Variants in ACSL1 observed in about 807,000 individuals in gnomAD.
ACSL1 encodes acyl-CoA synthetase long chain family member 1.
A neutral mutation model predicts 98.4 loss-of-function variants in ACSL1; 41 were observed. That is an observed-to-expected ratio of 0.42 (90% CI 0.32 to 0.54). The LOEUF is 0.54. ACSL1 is among the 20% of genes least tolerant of loss of function. The pLI is 0.13. For synonymous variants in ACSL1, 316 were observed against 322.7 expected (o/e 0.98, Z 0.22); for missense variants, 734 against 883.1 (o/e 0.83, Z 2.14).
intron 1 of ACSL1, among the ~76,000 whole-genome samples, chr4:184,807,464 G>C (rs1771572792): frequency 6.6e-6 from 1 of 152,184 alleles, no homozygotes; most frequent in Non-Finnish European, 1.5e-5. Context: ...AAGTGGGTTT[G>C]CTCAGCTGGG....
At chr4:184,808,454 C>T in intron 1 of ACSL1, 1 of 985,426 alleles carries the variant, frequency 1.0e-6, no homozygotes, top group Non-Finnish European at 1.2e-6. Flanking sequence ...ACATAAATGA[C>T]ACCCTTGCCC....
intron 5 of ACSL1, among the ~76,000 whole-genome samples, chr4:184,777,437 G>A (rs1765471590): frequency 6.9e-6 from 1 of 144,486 alleles, no homozygotes; most frequent in Non-Finnish European, 1.5e-5. Context: ...CAGCCTGGGT[G>A]ACAGAGTGAG....
At chr4:184,806,671 A>T (rs1771465809) in intron 1 of ACSL1, among the ~76,000 whole-genome samples, 1 of 152,238 alleles carries the variant, frequency 6.6e-6, no homozygotes, top group African/African-American at 2.4e-5. Flanking sequence ...TATTAAATCT[A>T]AGAAAGAACA....
At chr4:184,771,365 A>C (rs1249363740) in intron 10 of ACSL1, among the ~76,000 whole-genome samples, 1 of 152,192 alleles carries the variant, frequency 6.6e-6, no homozygotes, top group Admixed American at 6.5e-5. Context: ...TTATGTTGTT[A>C]AGGGAAAGGA....
chr4:184,757,881 A>G lies in ACSL1; in HGVS notation c.1822T>C (p.Leu608=), dbSNP rs777607921. The change falls in exon 19 of 21, where the codon TTA becomes CTA. Residue 608 remains leucine, a synonymous_variant. Transcript: ENST00000281455. This position sits in a 1 kb window ranked among gnomAD's most constrained non-coding sequence, Gnocchi z 4.5. ...CCTCTCTTTTGGGCCCAGGAACATA[A>G]TGTCTCAACATCTGGTACCACAATT... ...IAIVVPDVET[L]CSWAQKRGFE... is the part of the protein sequence containing the mutation. 6.2e-6 allele frequency: 10 copies of G among 1,614,200 alleles called. No homozygotes were observed. Among genetic ancestry groups the G allele is most frequent in the Non-Finnish European group, 8.5e-6 (10 of 1,180,038 alleles).
intron 1 of ACSL1, among the ~76,000 whole-genome samples, chr4:184,813,346 T>G (rs150214218): frequency 6.6e-5 from 10 of 152,338 alleles, no homozygotes; most frequent in Middle Eastern, 3.4e-3. Context: ...ATAAGTTTAC[T>G]GATAAGAGCT....
At chr4:184,788,971 T>C (rs369596604) in intron 2 of ACSL1, among the ~76,000 whole-genome samples, 1 of 152,230 alleles carries the variant, frequency 6.6e-6, no homozygotes, top group African/African-American at 2.4e-5. Context: ...TGTCCTGAAC[T>C]CGTTCCTATT....
intron 16 of ACSL1, among the ~76,000 whole-genome samples, 160 bp downstream of exon 16, chr4:184,763,007 A>C (rs570821287): frequency 6.6e-6 from 1 of 152,326 alleles, no homozygotes; most frequent in East Asian, 1.9e-4. Context: ...AGAGCTGAAC[A>C]TAAATGTACC....
chr4:184,768,354 G>A lies in ACSL1; in HGVS notation c.1090C>T (p.Pro364Ser). ...CGGTTCAGCAGTCTTGGAACCACGG[G>A]GAAGACAGTGGGTTGAAGCACCTTG... is the stretch of plus-strand genomic sequence containing the variant. The part of the protein sequence containing the change: ...DLKVLQPTVF[P>S]VVPRLLNRMF... The change falls in exon 12 of 21, where the codon CCC (proline) becomes TCC (serine). Residue 364 changes from proline (P) to serine (S), a missense_variant. Physicochemically the swap from Pro to Ser is moderately conservative, Grantham distance 74. Coordinates refer to ENST00000281455, the MANE Select transcript of ACSL1 (RefSeq NM_001995.5). 6.2e-7 allele frequency: 1 copy of A among 1,612,532 alleles called. No homozygotes were observed.
intron 2 of ACSL1, among the ~76,000 whole-genome samples, chr4:184,797,120 T>C (rs1051392594): frequency 6.6e-6 from 1 of 151,940 alleles, no homozygotes; most frequent in African/African-American, 2.4e-5. Context: ...AATGTCTGCC[T>C]CACAGACACG....
chr4:184,820,982 T>G (rs937728008), intron 1 of ACSL1: 2 of 455,764 alleles, frequency 4.4e-6, no homozygotes, highest in Non-Finnish European at 8.8e-6. Flanking sequence ...CCAGACTGCC[T>G]AGGTTCAAAT....
Position 184,808,289 on chromosome 4 carries a change from T to C in ACSL1, c.-32-4743A>G. The C allele has an allele frequency of 5.1e-6, 5 of 984,844 alleles. No homozygotes were observed. In the South Asian group the frequency reaches 2.3e-4, roughly 46 times the overall value. The allele number at this position is 984,844 out of a possible 1,614,324, so 61.0% of individuals were successfully genotyped here. A position where few individuals can be genotyped will look rare whatever the true frequency, so the allele number is the denominator to read the frequency against. The stretch of plus-strand genomic sequence containing the variant: ...CCCTGCAACTCTGCAAACTTTTACT[T>C]ACATTAACATTGTATTCTCTTCATG... On this transcript the variant is annotated intron_variant, in intron 1 of 20. Coordinates refer to ENST00000281455, the MANE Select transcript of ACSL1 (RefSeq NM_001995.5).
rs757949906 is a variant in ACSL1, at chr4:184,777,001, G to A, written c.478-18C>T. 6.2e-7 allele frequency: 1 copy of A among 1,604,680 alleles called. No homozygotes were observed. The highest frequency in any genetic ancestry group is 1.1e-5 in the South Asian group (1 of 90,814). ...ATCACCCACTAAACAAACAGTAAAG[G>A]TCAGGGAGAGAAAACAGGATGTCAT... On this transcript the variant is annotated intron_variant, in intron 5 of 20. Transcript: ENST00000281455.
At chr4:184,811,611 A>T (rs1488438526) in intron 1 of ACSL1, among the ~76,000 whole-genome samples, 1 of 152,108 alleles carries the variant, frequency 6.6e-6, no homozygotes, top group Non-Finnish European at 1.5e-5. Context: ...GCAAATTCAC[A>T]GAGACAGAAA....
chr4:184,801,437 T>A (rs1268820127), intron 2 of ACSL1, among the ~76,000 whole-genome samples: 1 of 152,206 alleles, frequency 6.6e-6, no homozygotes, highest in Admixed American at 6.5e-5. Flanking sequence ...GCAACAATAT[T>A]CCACTCCGGC....
chr4:184,798,381 A>C (rs1769826794), intron 2 of ACSL1: 1 of 152,298 alleles, frequency 6.6e-6, no homozygotes, highest in East Asian at 1.9e-4. Context: ...CAAGTACATT[A>C]TGATCTTGTA....
chr4:184,808,335 G>C, intron 1 of ACSL1: 1 of 985,248 alleles, frequency 1.0e-6, no homozygotes, highest in Non-Finnish European at 1.2e-6. Context: ...ACCAAAAACC[G>C]GGTGGTCTGG....
chr4:184,773,032 G>A lies in ACSL1; in HGVS notation c.915+49C>T. 6.4e-7 allele frequency: 1 copy of A among 1,562,140 alleles called. No individual in the cohort carries two copies. The highest frequency in any genetic ancestry group is 1.4e-5 in the African/African-American group (1 of 73,958). The stretch of plus-strand genomic sequence containing the variant: ...CCACCTTCAGCACTTTCATTCTCAA[G>A]GACTAATGTCAATCAATGAGGAAAG... On this transcript the variant is annotated intron_variant, in intron 10 of 20. Coordinates refer to ENST00000281455, the MANE Select transcript of ACSL1 (RefSeq NM_001995.5). This position sits in a 1 kb window ranked among gnomAD's most constrained non-coding sequence, Gnocchi z 4.3.
chr4:184,800,163 A>G (rs751831195), intron 2 of ACSL1, among the ~76,000 whole-genome samples: 3 of 152,226 alleles, frequency 2.0e-5, no homozygotes, highest in Non-Finnish European at 4.4e-5. Context: ...CAGACATTGC[A>G]TAACTCTTCA....
Sources: allele counts gnomAD v4.1 joint callset (sites outside exome capture counted in the v4.1 genomes callset), GRCh38; gene constraint gnomAD v4.1.1; non-coding constraint Gnocchi (gnomAD v3.1); transcripts MANE v1.5; gene names NCBI Gene and HGNC (gene_info 2026-07-23, HGNC 2026-07-21).